SPON1: variants seen among roughly 807,000 people sequenced by gnomAD.
SPON1 encodes spondin 1, also known as spondin-1.
In SPON1, 52 loss-of-function variants were observed where a neutral mutation model predicts 111.7. That is an observed-to-expected ratio of 0.47 (90% CI 0.37 to 0.59). SPON1 has a LOEUF of 0.59. Among genes scored for constraint, SPON1 ranks in the 20% least tolerant of loss-of-function variants. The probability of loss-of-function intolerance (pLI) is 0.00; values close to 1 mark genes in which losing one functional copy is unlikely to be tolerated. For synonymous variants in SPON1, 410 were observed against 395.8 expected (o/e 1.04, Z -0.43); for missense variants, 957 against 1,068.5 (o/e 0.90, Z 1.46).
At chr11:14,053,826 T>A (rs1282525447) in intron 3 of SPON1, among the ~76,000 whole-genome samples, 1 of 152,184 alleles carries the variant, frequency 6.6e-6, no homozygotes, top group Non-Finnish European at 1.5e-5. Context: ...GTTGATTAGA[T>A]CTTTGGACAC....
At chr11:13,980,634 C>A (rs1409460818) in intron 1 of SPON1, among the ~76,000 whole-genome samples, 1 of 152,116 alleles carries the variant, frequency 6.6e-6, no homozygotes, top group Non-Finnish European at 1.5e-5. Context: ...ACTTCATTTT[C>A]AAGACTAAAA....
intron 6 of SPON1, among the ~76,000 whole-genome samples, chr11:14,211,091 T>C (rs1358928571): frequency 6.6e-6 from 1 of 152,194 alleles, no homozygotes; most frequent in Non-Finnish European, 1.5e-5. Flanking sequence ...TACGGGCTCT[T>C]TTTAGGTTCC....
At chr11:14,023,166 G>A (rs544772860) in intron 2 of SPON1, among the ~76,000 whole-genome samples, 1 of 152,274 alleles carries the variant, frequency 6.6e-6, no homozygotes, top group African/African-American at 2.4e-5. Context: ...GGAATTGCAA[G>A]CTGGCATTAT....
chr11:14,077,553 C>T (rs781924935), intron 4 of SPON1, among the ~76,000 whole-genome samples: 15 of 151,940 alleles, frequency 9.9e-5, no homozygotes, highest in Non-Finnish European at 1.9e-4. Flanking sequence ...CTGCCTCAGC[C>T]TCCCGAGTAG....
intron 3 of SPON1, among the ~76,000 whole-genome samples, chr11:14,059,849 T>TTAG (rs753444064): frequency 8.5e-5 from 13 of 152,152 alleles, no homozygotes; most frequent in Admixed American, 5.2e-4. Context: ...ACCTGCCTGG[T>TTAG]GATCAATACA....
chr11:14,078,306 C>T (rs782098685), intron 4 of SPON1, among the ~76,000 whole-genome samples: 1 of 152,140 alleles, frequency 6.6e-6, no homozygotes, highest in Non-Finnish European at 1.5e-5. Context: ...CACCTATATC[C>T]GAAAGCCCTT....
intron 2 of SPON1, among the ~76,000 whole-genome samples, chr11:14,003,792 T>C (rs1341251406): frequency 6.6e-6 from 1 of 152,190 alleles, no homozygotes; most frequent in Non-Finnish European, 1.5e-5. Flanking sequence ...GTTACTTTTT[T>C]TGTGACAAGG....
chr11:13,973,984 G>A (rs958471868), intron 1 of SPON1, among the ~76,000 whole-genome samples: 5 of 152,178 alleles, frequency 3.3e-5, no homozygotes, highest in Non-Finnish European at 5.9e-5. Flanking sequence ...CCATCCAGGG[G>A]AACAGCATAA....
At chr11:14,173,359 C>G (rs1439014306) in intron 6 of SPON1, among the ~76,000 whole-genome samples, 1 of 152,170 alleles carries the variant, frequency 6.6e-6, no homozygotes, top group Non-Finnish European at 1.5e-5. Context: ...CCTTTAAGGA[C>G]TTCTCTCCAT....
At chr11:14,095,348 C>T (rs1181086861) in intron 5 of SPON1, among the ~76,000 whole-genome samples, 1 of 151,880 alleles carries the variant, frequency 6.6e-6, no homozygotes, top group Non-Finnish European at 1.5e-5. Flanking sequence ...CAAAATTAAA[C>T]ATTATATTAC....
chr11:14,130,262 G>A (rs1351558444), intron 5 of SPON1, among the ~76,000 whole-genome samples: 1 of 152,184 alleles, frequency 6.6e-6, no homozygotes, highest in Non-Finnish European at 1.5e-5. Flanking sequence ...TGATACAGAA[G>A]AGATGATTGG....
intron 1 of SPON1, among the ~76,000 whole-genome samples, chr11:13,974,021 A>G (rs971265039): frequency 6.6e-6 from 1 of 152,180 alleles, no homozygotes; most frequent in African/African-American, 2.4e-5. Flanking sequence ...TCACCTGCTC[A>G]CTTTTGGATT....
intron 5 of SPON1, among the ~76,000 whole-genome samples, chr11:14,091,813 G>A (rs1849061047): frequency 2.0e-5 from 3 of 152,178 alleles, no homozygotes; most frequent in African/African-American, 7.2e-5. Flanking sequence ...CTCAAATGCC[G>A]CCAAAGTAGG....
intron 9 of SPON1, 75 bp downstream of exon 9, chr11:14,255,862 C>A: frequency 1.3e-6 from 2 of 1,488,772 alleles, no homozygotes; most frequent in East Asian, 2.4e-5. Context: ...CCCTTCTGCT[C>A]TAGAATCATA....
chr11:14,128,021 C>T (rs1554927180), intron 5 of SPON1, among the ~76,000 whole-genome samples: 2 of 152,182 alleles, frequency 1.3e-5, no homozygotes, highest in African/African-American at 4.8e-5. Context: ...CTCACCAGGT[C>T]CCTCCCTCGA....
intron 5 of SPON1, among the ~76,000 whole-genome samples, chr11:14,096,458 G>A (rs1478070111): frequency 6.6e-6 from 1 of 152,196 alleles, no homozygotes; most frequent in Admixed American, 6.5e-5. Context: ...GACGTCGAGG[G>A]ATCTCATCAA....
chr11:14,114,608 C>T, intron 5 of SPON1, among the ~76,000 whole-genome samples: 1 of 152,178 alleles, frequency 6.6e-6, no homozygotes, highest in East Asian at 1.9e-4. Flanking sequence ...ACCCTCCATC[C>T]AGCCTCTATT....
chr11:14,001,214 A>G (rs930420310), intron 2 of SPON1, among the ~76,000 whole-genome samples: 1 of 152,148 alleles, frequency 6.6e-6, no homozygotes, highest in Non-Finnish European at 1.5e-5. Flanking sequence ...AGGCTAACTG[A>G]TGACTAGCTA....
chr11:14,133,646 C>T lies in SPON1; in HGVS notation c.677-1774C>T, dbSNP rs145978514. 2.4e-3 allele frequency among the ~76,000 whole-genome samples: 368 copies of T among 152,254 alleles called. 1 individual carries two copies. The highest frequency in any genetic ancestry group is 8.0e-3 in the African/African-American group (334 of 41,540). ...TTCTGAAGCTGCTTCACTCTGTGTC[C>T]ACATCACGAACCTAAGGCCATTACT... On this transcript the variant is annotated intron_variant, in intron 5 of 15. Coordinates refer to ENST00000576479, the MANE Select transcript of SPON1 (RefSeq NM_006108.4).
Sources: allele counts gnomAD v4.1 joint callset (sites outside exome capture counted in the v4.1 genomes callset), GRCh38; gene constraint gnomAD v4.1.1; transcripts MANE v1.5; gene names NCBI Gene and HGNC (gene_info 2026-07-23, HGNC 2026-07-21).